Variants in NEIL3 observed in about 807,000 individuals in gnomAD.
The protein encoded by NEIL3 is nei like DNA glycosylase 3.
In NEIL3, 48 loss-of-function variants were observed where a neutral mutation model predicts 57.5. That is an observed-to-expected ratio of 0.83 (90% CI 0.66 to 1.06). The LOEUF (loss-of-function observed/expected upper bound fraction) is 1.06, where lower values mean the gene tolerates loss of function less well. Ranked by LOEUF, NEIL3 falls within the 50% of genes least tolerant of loss-of-function variation. The pLI is 0.00. For missense variants in NEIL3, 717 were observed against 739.1 expected (o/e 0.97, Z 0.35); for synonymous variants, 261 against 253.2 (o/e 1.03, Z -0.29).
At chr4:177,331,629 G>T (rs1358023563) in intron 2 of NEIL3, among the ~76,000 whole-genome samples, 1 of 152,000 alleles carries the variant, frequency 6.6e-6, no homozygotes, top group Non-Finnish European at 1.5e-5. Flanking sequence ...TAATCTTTGT[G>T]TGTATATATG....
chr4:177,369,825 C>T, the NEIL3 span, among the ~76,000 whole-genome samples: 1 of 152,144 alleles, frequency 6.6e-6, no homozygotes, highest in African/African-American at 2.4e-5. Context: ...CAGTTCTTAA[C>T]AGGGCTCTTG....
intron 1 of NEIL3, among the ~76,000 whole-genome samples, chr4:177,321,326 C>T (rs1412662473): frequency 6.6e-6 from 1 of 152,140 alleles, no homozygotes; most frequent in Non-Finnish European, 1.5e-5. Context: ...TTACCTTAGA[C>T]TGAGTTAATG....
At position 177,357,577 on chromosome 4, in the gene NEIL3, C is replaced by G. The variant is rs191014009; in HGVS notation, c.1461-2926C>G. On this transcript the variant is annotated intron_variant, in intron 8 of 9. Transcript: ENST00000264596. ...CTTCCTTCTTGATGATAGTTTTTGT[C>G]TGGTCTCTGTTCAGTTTTATTTATT... 5.9e-3 allele frequency among the ~76,000 whole-genome samples: 892 copies of G among 152,232 alleles called. 4 individuals are homozygous for G. Among genetic ancestry groups the G allele is most frequent in the Non-Finnish European group, 7.0e-3 (473 of 68,012 alleles).
At chr4:177,350,442 A>G (rs994695472) in intron 6 of NEIL3, among the ~76,000 whole-genome samples, 1 of 152,216 alleles carries the variant, frequency 6.6e-6, no homozygotes, top group African/African-American at 2.4e-5. Flanking sequence ...GAGAATCATG[A>G]TTTATATTTG....
rs761990191 is a variant in NEIL3 at position 177,360,721 on chromosome 4, C to T, written c.1635+44C>T. ...TAGCTTACTAAAATGTAATTAAATG[C>T]TTTGGTTATTAATGTATAACAAATA... On this transcript the variant is annotated intron_variant, in intron 9 of 9. Coordinates refer to ENST00000264596, the MANE Select transcript of NEIL3 (RefSeq NM_018248.3). 5 of 1,443,794 alleles carry T rather than the reference C, an allele frequency of 3.5e-6. No individual in the cohort carries two copies. In the Admixed American group the frequency reaches 9.8e-5, roughly 28 times the overall value. The allele number at this position is 1,443,794 out of a possible 1,614,324, so 89.4% of individuals were successfully genotyped here.
chr4:177,358,649 G>A (rs1219608753), intron 8 of NEIL3, among the ~76,000 whole-genome samples: 1 of 152,128 alleles, frequency 6.6e-6, no homozygotes, highest in African/African-American at 2.4e-5. Context: ...AAGAAATGGA[G>A]TGGAAGGCAG....
chr4:177,336,008 T>A, intron 3 of NEIL3, 100 bp from the exon 4 acceptor site: 1 of 1,079,384 alleles, frequency 9.3e-7, no homozygotes, highest in Non-Finnish European at 1.4e-6. Context: ...TCTTATACCC[T>A]GATTAACATA....
At chr4:177,329,115 G>A (rs933325457) in intron 2 of NEIL3, among the ~76,000 whole-genome samples, 1 of 151,786 alleles carries the variant, frequency 6.6e-6, no homozygotes, top group Non-Finnish European at 1.5e-5. Context: ...TTCAAAAAGT[G>A]GTAAAAGTAA....
intron 1 of NEIL3, among the ~76,000 whole-genome samples, chr4:177,316,122 T>C (rs1222173493): frequency 6.6e-6 from 1 of 152,158 alleles, no homozygotes; most frequent in Non-Finnish European, 1.5e-5. Context: ...TAACTAATAA[T>C]AGAACAGTTA....
At chr4:177,322,329 T>G in intron 1 of NEIL3, 130 bp from the exon 2 acceptor site, 36 of 1,199,644 alleles carry the variant, frequency 3.0e-5, no homozygotes, top group South Asian at 4.4e-5. Flanking sequence ...CATGACTTGT[T>G]GGAGATTATT....
chr4:177,318,660 CAAATTT>C (rs1290155866), intron 1 of NEIL3, among the ~76,000 whole-genome samples: 1 of 152,140 alleles, frequency 6.6e-6, no homozygotes, highest in African/African-American at 2.4e-5. Context: ...AAAACTTGCC[CAAATTT>C]CAATTCCTTG....
At chr4:177,330,579 AAATG>A (rs1578993015) in intron 2 of NEIL3, among the ~76,000 whole-genome samples, 1 of 152,172 alleles carries the variant, frequency 6.6e-6, no homozygotes, top group Non-Finnish European at 1.5e-5. Context: ...AGCATAATAA[AAATG>A]AATGACACCA....
chr4:177,331,919 T>C (rs944127130), intron 2 of NEIL3, among the ~76,000 whole-genome samples: 4 of 152,212 alleles, frequency 2.6e-5, no homozygotes, highest in African/African-American at 9.6e-5. Flanking sequence ...GGTTTGGCAG[T>C]GGATGGTTTC....
chr4:177,346,634 G>A (rs1735225981), intron 6 of NEIL3, among the ~76,000 whole-genome samples: 1 of 152,156 alleles, frequency 6.6e-6, no homozygotes, highest in Admixed American at 6.5e-5. Context: ...TGCATTCCCA[G>A]TGATGGCGAA....
At chr4:177,318,891 A>G (rs1578986941) in intron 1 of NEIL3, among the ~76,000 whole-genome samples, 1 of 152,348 alleles carries the variant, frequency 6.6e-6, no homozygotes, top group East Asian at 1.9e-4. Flanking sequence ...CATCCCAAGC[A>G]TCTAGAACAA....
intron 4 of NEIL3, among the ~76,000 whole-genome samples, chr4:177,338,857 A>AT (rs34647259): frequency 0.078 from 11,503 of 148,364 alleles, 468 homozygotes; most frequent in South Asian, 0.11. Flanking sequence ...GTTCTTGGTA[A>AT]TTTTTTTTTT....
chr4:177,329,446 C>T (rs77959129), intron 2 of NEIL3, among the ~76,000 whole-genome samples: 4,004 of 151,758 alleles, frequency 0.026, 114 homozygotes, highest in African/African-American at 0.068. Context: ...GCTGGAGTAG[C>T]TAGAATAAAA....
chr4:177,316,197 C>T (rs1004926631), intron 1 of NEIL3, among the ~76,000 whole-genome samples: 1 of 151,946 alleles, frequency 6.6e-6, no homozygotes. Flanking sequence ...GGTACTGTAC[C>T]GTGAGTAACT....
intron 6 of NEIL3, among the ~76,000 whole-genome samples, chr4:177,345,827 TC>T (rs2110919357): frequency 6.6e-6 from 1 of 151,506 alleles, no homozygotes; most frequent in Non-Finnish European, 1.5e-5. Flanking sequence ...GTAGCTGGAA[TC>T]ACAGGTGCAT....
Sources: gnomAD v4.1 joint callset for allele counts (sites outside exome capture counted in the v4.1 genomes callset) on GRCh38, gnomAD v4.1.1 for gene constraint, MANE v1.5 for transcripts, NCBI Gene and HGNC (gene_info 2026-07-23, HGNC 2026-07-21) for gene names.